TARS1: variants seen among roughly 807,000 people sequenced by gnomAD.
TARS1 encodes threonine--tRNA ligase 1, cytoplasmic.
In TARS1, 57 loss-of-function variants were observed where a neutral mutation model predicts 97.7. The ratio of observed to expected loss-of-function variants is 0.58; its 90% CI spans 0.47 to 0.73. TARS1 has a LOEUF of 0.73. Among genes scored for constraint, TARS1 ranks in the 30% least tolerant of loss-of-function variants. The pLI, the probability that TARS1 is intolerant of heterozygous loss-of-function variation, is 0.00. For missense variants in TARS1, 806 were observed against 888.3 expected (o/e 0.91, Z 1.18); for synonymous variants, 312 against 293.7 (o/e 1.06, Z -0.64).
rs1039544917 is a variant in TARS1 at position 33,467,495 on chromosome 5, T to A, written c.2024-65T>A. 4 of 1,555,388 alleles carry A rather than the reference T, an allele frequency of 2.6e-6. No homozygotes were observed. The African/African-American group carries it at 5.5e-5, about 21-fold the overall frequency. ...GGTCCTAGGATCATTTCTTTTCAGA[T>A]GTTCAGTGTGAATTCTTCCATATCT... On this transcript the variant is annotated intron_variant, in intron 18 of 18. Transcript: ENST00000265112.
intron 3 of TARS1, among the ~76,000 whole-genome samples, chr5:33,449,600 T>G (rs1044396439): frequency 3.3e-5 from 5 of 151,060 alleles, no homozygotes; most frequent in Non-Finnish European, 7.4e-5. Context: ...GGACTACAGG[T>G]GCCCGCCACC....
Position 33,466,861 on chromosome 5 carries a change from G to C in TARS1, c.1909-10G>C, listed in dbSNP as rs1184157343. The C allele has an allele frequency of 4.4e-6, 7 of 1,577,950 alleles. No homozygotes were observed. In the Admixed American group the frequency reaches 1.3e-4, roughly 28 times the overall value. On this transcript the variant is annotated splice_polypyrimidine_tract_variant and intron_variant, in intron 17 of 18. Transcript: ENST00000265112. The stretch of plus-strand genomic sequence containing the variant: ...TAGATCTGACAAATTCTGTATCTCT[G>C]TTACAATAGGTACGACAACAATTCC...
At chr5:33,458,380 T>C (rs1405217480) in intron 9 of TARS1, among the ~76,000 whole-genome samples, 186 bp from the exon 10 acceptor site, 1 of 152,294 alleles carries the variant, frequency 6.6e-6, no homozygotes, top group East Asian at 1.9e-4. Context: ...TCTGCCAAAT[T>C]GTAAATCAGC....
intron 16 of TARS1, among the ~76,000 whole-genome samples, chr5:33,463,016 G>C (rs1319158830): frequency 6.6e-6 from 1 of 152,178 alleles, no homozygotes; most frequent in East Asian, 1.9e-4. Context: ...TTCTCTGCAA[G>C]GTATTTCAAG....
chr5:33,445,949 AT>A (rs764003127), intron 2 of TARS1: 3 of 154,014 alleles, frequency 1.9e-5, no homozygotes, highest in Non-Finnish European at 4.3e-5. Context: ...GAACTGGCAT[AT>A]CAAAAGCCAG....
chr5:33,442,417 T>C (rs1741155032), intron 1 of TARS1, among the ~76,000 whole-genome samples: 1 of 151,666 alleles, frequency 6.6e-6, no homozygotes, highest in African/African-American at 2.4e-5. Flanking sequence ...GGACGTGATA[T>C]GTATGGTTAA....
In TARS1 at chr5:33,467,982, T is replaced by C; in HGVS notation, c.*274T>C. ...ACATGAGGAATGCTTTAGTGTAATGTGGGAGAACTTTTTTGTAAATTTAAT... is the reference window on the plus strand; with the variant it reads ...ACATGAGGAATGCTTTAGTGTAATGCGGGAGAACTTTTTTGTAAATTTAAT... On this transcript the variant is annotated 3_prime_UTR_variant, in exon 19 of 19. Transcript: ENST00000265112. 3.3e-6 allele frequency: 1 copy of C among 301,592 alleles called. No individual in the cohort carries two copies. The highest frequency in any genetic ancestry group is 6.0e-6 in the Non-Finnish European group (1 of 165,706). 18.7% of individuals were successfully genotyped at this position (301,592 alleles called of 1,614,324 possible).
intron 5 of TARS1, 47 bp downstream of exon 5, chr5:33,455,113 TCC>T: frequency 6.2e-7 from 1 of 1,606,678 alleles, no homozygotes; most frequent in Middle Eastern, 1.7e-4. Flanking sequence ...TGACTATGGA[TCC>T]ATAAGTTATT....
chr5:33,441,436 G>A, intron 1 of TARS1: 1 of 349,760 alleles, frequency 2.9e-6, no homozygotes, highest in South Asian at 5.1e-5. Flanking sequence ...AGTTAGACGC[G>A]GAGACAGAAT....
intron 11 of TARS1, among the ~76,000 whole-genome samples, chr5:33,460,689 A>T (rs1652151647): frequency 6.6e-6 from 1 of 152,156 alleles, no homozygotes; most frequent in South Asian, 2.1e-4. Flanking sequence ...TACGTTTTTT[A>T]ATTCTTCACT....
intron 3 of TARS1, 72 bp downstream of exon 3, chr5:33,448,803 G>T: frequency 8.6e-7 from 1 of 1,169,570 alleles, no homozygotes; most frequent in Non-Finnish European, 1.2e-6. Context: ...ATCTTGCCAT[G>T]TTTTATTCTT....
In TARS1 at chr5:33,467,620, TC is replaced by T. The variant is rs1350757240; in HGVS notation, c.2086del (p.His696ThrfsTer53). 1 of 1,613,952 alleles carries T rather than the reference TC, an allele frequency of 6.2e-7. No homozygotes were observed. Among genetic ancestry groups the T allele is most frequent in the East Asian group, 2.2e-5 (1 of 44,860 alleles). On this transcript the variant is annotated frameshift_variant, in exon 19 of 19. Transcript: ENST00000265112. LOFTEE classifies it low-confidence loss of function (END_TRUNC). ...AATATCCGCACAAGAGACAATAAGG[TC>T]CACGGGGAACGCACCATTTCTGAAA... is the stretch of plus-strand genomic sequence containing the variant. ...TVNIRTRDNK[V>X]HGERTISETI... is the part of the protein sequence containing the mutation.
chr5:33,448,398 G>A (rs563349759), intron 2 of TARS1, 143 bp from the exon 3 acceptor site: 9 of 577,546 alleles, frequency 1.6e-5, no homozygotes, highest in Admixed American at 8.0e-5. Context: ...AGGTAATGCC[G>A]GGTGATTTTG....
chr5:33,449,433 CT>C (rs1456756677), intron 3 of TARS1, among the ~76,000 whole-genome samples: 3 of 116,866 alleles, frequency 2.6e-5, no homozygotes, highest in African/African-American at 9.6e-5. Flanking sequence ...AAAAATGATT[CT>C]TTTTTTCTTT....
chr5:33,449,269 A>G (rs912865845), intron 3 of TARS1, among the ~76,000 whole-genome samples: 42 of 151,368 alleles, frequency 2.8e-4, no homozygotes, highest in Non-Finnish European at 5.2e-4. Flanking sequence ...ATTGGGATCA[A>G]TAATTGGTCA....
chr5:33,467,072 CAAG>C (rs1742560861), intron 18 of TARS1, 87 bp downstream of exon 18: 3 of 623,002 alleles, frequency 4.8e-6, no homozygotes, highest in South Asian at 9.2e-5. Context: ...GAATTGTAAT[CAAG>C]AATTTATTTA....
chr5:33,455,116 A>T (rs746873182), intron 5 of TARS1, 50 bp downstream of exon 5: 1 of 1,605,254 alleles, frequency 6.2e-7, no homozygotes, highest in Non-Finnish European at 8.5e-7. Flanking sequence ...CTATGGATCC[A>T]TAAGTTATTC....
chr5:33,446,524 CAT>C, intron 2 of TARS1: 1 of 459,326 alleles, frequency 2.2e-6, no homozygotes, highest in Non-Finnish European at 4.3e-6. Flanking sequence ...TTAAGTGGGA[CAT>C]GTGATTATTT....
chr5:33,453,313 T>C lies in TARS1; in HGVS notation c.354T>C (p.Val118=). The C allele has an allele frequency of 6.2e-7, 1 of 1,608,556 alleles. No individual in the cohort carries two copies. The highest frequency in any genetic ancestry group is 8.5e-7 in the Non-Finnish European group (1 of 1,178,022). ...GTCAAGGCCTGGCCGACAACACCGTTATTGCTAAAGTAAATAATGTTGTGT... is the reference window on the plus strand; with the variant it reads ...GTCAAGGCCTGGCCGACAACACCGTCATTGCTAAAGTAAATAATGTTGTGT... The part of the protein sequence containing the change: ...GISQGLADNT[V]IAKVNNVVWD... Residue 118 remains valine (V), a synonymous_variant, in exon 4 of 19, where the codon GTT becomes GTC. Transcript: ENST00000265112.
Sources: gnomAD v4.1 joint callset for allele counts (sites outside exome capture counted in the v4.1 genomes callset) on GRCh38, gnomAD v4.1.1 for gene constraint, MANE v1.5 for transcripts, NCBI Gene and HGNC (gene_info 2026-07-23, HGNC 2026-07-21) for gene names.